The following ADAM2 variants were observed in gnomAD, a reference collection of about 807,000 sequenced individuals.
ADAM2 encodes ADAM metallopeptidase domain 2.
A neutral mutation model predicts 99.3 loss-of-function variants in ADAM2; 101 were observed. That is an observed-to-expected ratio of 1.02 (90% CI 0.87 to 1.20). The LOEUF (loss-of-function observed/expected upper bound fraction) is 1.20. Among genes scored for constraint, ADAM2 ranks in the 50% most tolerant of loss-of-function variants. The probability of loss-of-function intolerance (pLI) is 0.00; values close to 1 mark genes in which losing one functional copy is unlikely to be tolerated. For synonymous variants in ADAM2, 323 were observed against 287.6 expected, an observed-to-expected ratio of 1.12 and a Z score of -1.25; for missense variants, 948 against 878.7, an observed-to-expected ratio of 1.08 and a Z score of -1.00.
rs79431764 is a variant in ADAM2 at position 39,834,732 on chromosome 8, C to CAAAAAAA, written c.133-740_133-734dup. Among the ~76,000 whole-genome samples, 374 of 52,914 alleles carry CAAAAAAA rather than the reference C, an allele frequency of 7.1e-3. 18 individuals carry two copies. The highest frequency in any genetic ancestry group is 9.7e-3 in the Non-Finnish European group (295 of 30,418). The allele number at this position is 52,914 out of a possible 152,430, so 34.7% of individuals were successfully genotyped here. On this transcript the variant is annotated intron_variant, in intron 2 of 20. Transcript: ENST00000265708. ...CCTGGGCGACAGGGCAAGACTCCAT[C>CAAAAAAA]AAAAAAAAAAAAAAAAAAAAAAAAA...
Position 39,745,459 on chromosome 8 carries a change from A to G in ADAM2, c.2175-566T>C, listed in dbSNP as rs577010564. On this transcript the variant is annotated intron_variant, in intron 19 of 20. Transcript: ENST00000265708. ...CAATTCATTTCAAGTAAAATGAAGG[A>G]CATAGTTATATAACTCCCAGGGAGA... Among the ~76,000 whole-genome samples, 24 of 152,230 alleles carry G rather than the reference A, an allele frequency of 1.6e-4. 1 individual carries two copies. In the South Asian group the frequency reaches 4.8e-3, roughly 30 times the overall value.
intron 14 of ADAM2, among the ~76,000 whole-genome samples, chr8:39,762,369 G>A (rs921628551): frequency 3.3e-5 from 5 of 152,156 alleles, no homozygotes; most frequent in African/African-American, 4.8e-5. Context: ...CCTTGGCTAT[G>A]GTAGCAAGCC....
chr8:39,749,118 A>G (rs1483371682), intron 18 of ADAM2, among the ~76,000 whole-genome samples, 194 bp downstream of exon 18: 1 of 152,110 alleles, frequency 6.6e-6, no homozygotes, highest in Admixed American at 6.6e-5. Context: ...CTGATATATC[A>G]TATTTATAAC....
intron 3 of ADAM2, among the ~76,000 whole-genome samples, chr8:39,832,066 A>G (rs1805640310): frequency 6.6e-6 from 1 of 152,196 alleles, no homozygotes; most frequent in South Asian, 2.1e-4. Flanking sequence ...AAAAGATATC[A>G]GAAGTACTCA....
chr8:39,822,375 C>G (rs1205184008), intron 4 of ADAM2, among the ~76,000 whole-genome samples: 1 of 152,078 alleles, frequency 6.6e-6, no homozygotes, highest in African/African-American at 2.4e-5. Context: ...CATTGAGAAA[C>G]TTAGAAATGA....
At chr8:39,834,668 G>C (rs930275570) in intron 2 of ADAM2, among the ~76,000 whole-genome samples, 2 of 143,438 alleles carry the variant, frequency 1.4e-5, no homozygotes, top group Admixed American at 1.4e-4. Context: ...TTGGGAGGCG[G>C]AGGTTGCAGT....
chr8:39,815,259 A>T (rs1804892647), intron 6 of ADAM2, among the ~76,000 whole-genome samples: 1 of 152,152 alleles, frequency 6.6e-6, no homozygotes, highest in African/African-American at 2.4e-5. Flanking sequence ...TATTTTTAGT[A>T]TTAAGGAGAT....
chr8:39,796,728 G>A (rs536730818), intron 7 of ADAM2, among the ~76,000 whole-genome samples: 6 of 152,112 alleles, frequency 3.9e-5, no homozygotes, highest in Admixed American at 2.0e-4. Flanking sequence ...TTTAATAATC[G>A]CCATTCTGAC....
At chr8:39,829,124 T>A (rs1805520830) in intron 3 of ADAM2, among the ~76,000 whole-genome samples, 1 of 151,926 alleles carries the variant, frequency 6.6e-6, no homozygotes, top group Non-Finnish European at 1.5e-5. Flanking sequence ...AAAAGCCAAT[T>A]TCTGTTTCAA....
chr8:39,821,171 C>T lies in ADAM2; in HGVS notation c.345-1G>A, dbSNP rs1333713505. ...AACATTTTCAAACTGTAGTACGCCC[C>T]TAAAAATTTCAAAAAAAAATTAATA... On this transcript the variant is annotated splice_acceptor_variant, in intron 5 of 20. Transcript: ENST00000265708. LOFTEE classifies it high-confidence loss of function. 4.5e-6 allele frequency: 7 copies of T among 1,547,362 alleles called. No homozygotes were observed. In the Admixed American group the frequency reaches 1.3e-4, roughly 29 times the overall value.
chr8:39,816,448 T>A (rs1024561943), intron 6 of ADAM2, among the ~76,000 whole-genome samples: 2 of 152,190 alleles, frequency 1.3e-5, no homozygotes, highest in African/African-American at 4.8e-5. Flanking sequence ...ACCTAGCAGT[T>A]CAAATCTTAG....
At chr8:39,809,600 C>G in intron 6 of ADAM2, 134 bp from the exon 7 acceptor site, 1 of 535,360 alleles carries the variant, frequency 1.9e-6, no homozygotes, top group African/African-American at 2.0e-5. Context: ...ATAATATAAG[C>G]AACACTAGAT....
intron 14 of ADAM2, among the ~76,000 whole-genome samples, chr8:39,764,042 T>A (rs528823112): frequency 3.9e-5 from 6 of 152,306 alleles, no homozygotes; most frequent in African/African-American, 1.4e-4. Context: ...AATCAAATAG[T>A]CTGAACCTGA....
chr8:39,821,651 G>A lies in ADAM2; in HGVS notation c.279C>T (p.His93=). The A allele has an allele frequency of 6.2e-7, 1 of 1,602,840 alleles. No individual in the cohort carries two copies. The highest frequency in any genetic ancestry group is 1.1e-5 in the South Asian group (1 of 90,614). The change falls in exon 5 of 21, where the codon CAC becomes CAT. Residue 93 remains histidine (H), a synonymous_variant. Coordinates refer to ENST00000265708, the MANE Select transcript of ADAM2 (RefSeq NM_001464.5). ...GATAACCTTCAATATACCCTTGGTA[G>A]TGGCAGAAATTCTGAAAGATAAAAT... is the stretch of plus-strand genomic sequence containing the variant. ...PLDQDFQNFC[H]YQGYIEGYPK... is the part of the protein sequence containing the mutation.
chr8:39,825,652 GA>G (rs1209105434), intron 3 of ADAM2, among the ~76,000 whole-genome samples: 1 of 151,694 alleles, frequency 6.6e-6, no homozygotes, highest in Non-Finnish European at 1.5e-5. Flanking sequence ...AAGCCCAGAT[GA>G]ACTTTAAAGA....
At chr8:39,771,448 A>G (rs951415318) in intron 11 of ADAM2, among the ~76,000 whole-genome samples, 15 of 152,192 alleles carry the variant, frequency 9.9e-5, no homozygotes, top group Admixed American at 3.9e-4. Flanking sequence ...ACTATAAATA[A>G]TAAAGTTTAA....
chr8:39,777,050 C>G lies in ADAM2; in HGVS notation c.1003G>C (p.Val335Leu), dbSNP rs545821972. The change falls in exon 11 of 21, where the codon GTC (valine) becomes CTC (leucine). Residue 335 changes from valine (V) to leucine (L), a missense_variant. By Grantham distance (32) the Val-to-Leu change is conservative. Coordinates refer to ENST00000265708, the MANE Select transcript of ADAM2 (RefSeq NM_001464.5). ...DINKCQCSGA[V>L]CIMNPEAIHF... ...ATTGCTTCTGGATTCATAATGCAGA[C>G]AGCTCCTGAGCACTGGCATTTGTTA... 4 of 1,590,274 alleles carry G rather than the reference C, an allele frequency of 2.5e-6. No homozygotes were observed. The East Asian group carries it at 8.9e-5, about 36-fold the overall frequency.
intron 3 of ADAM2, among the ~76,000 whole-genome samples, chr8:39,825,326 T>C (rs1222190593): frequency 6.6e-6 from 1 of 152,226 alleles, no homozygotes; most frequent in Non-Finnish European, 1.5e-5. Context: ...ATTTGCTCTA[T>C]AGTTTTTGCC....
intron 6 of ADAM2, among the ~76,000 whole-genome samples, chr8:39,816,492 ATAAAACATATAT>A (rs2129587670): frequency 6.6e-6 from 1 of 152,306 alleles, no homozygotes; most frequent in Non-Finnish European, 1.5e-5. Flanking sequence ...ATATATCCAC[ATAAAACATATAT>A]TAATGTTCCT....
Sources: gnomAD v4.1 joint callset for allele counts (sites outside exome capture counted in the v4.1 genomes callset) on GRCh38, gnomAD v4.1.1 for gene constraint, MANE v1.5 for transcripts, NCBI Gene and HGNC (gene_info 2026-07-23, HGNC 2026-07-21) for gene names.